PDE10A: variants seen among roughly 807,000 people sequenced by gnomAD.
The protein encoded by PDE10A is phosphodiesterase 10A.
In PDE10A, 39 loss-of-function variants were observed where a neutral mutation model predicts 97.7. The observed-to-expected ratio is 0.40, with a 90% confidence interval of 0.31 to 0.52. The LOEUF (loss-of-function observed/expected upper bound fraction) is 0.52, where lower values mean the gene tolerates loss of function less well. PDE10A is among the 20% of genes least tolerant of loss of function. The pLI is 0.56. For missense variants in PDE10A, 731 were observed against 1,047.8 expected (o/e 0.70, Z 4.17); for synonymous variants, 371 against 376.8 (o/e 0.98, Z 0.18).
chr6:165,545,342 T>C, intron 1 of PDE10A: 2 of 346,222 alleles, frequency 5.8e-6, no homozygotes, highest in South Asian at 2.6e-5. Context: ...ACTATATGAG[T>C]TATCTCCTTC....
At chr6:165,652,101 A>G (rs1789714241) in intron 1 of PDE10A, among the ~76,000 whole-genome samples, 1 of 152,188 alleles carries the variant, frequency 6.6e-6, no homozygotes, top group South Asian at 2.1e-4. Context: ...TAACCCTGAG[A>G]AGCAGAGTAT....
intron 1 of PDE10A, among the ~76,000 whole-genome samples, chr6:165,764,715 G>C (rs1007411565): frequency 2.2e-4 from 34 of 152,118 alleles, no homozygotes; most frequent in African/African-American, 8.2e-4. Flanking sequence ...AGACCTTCCC[G>C]GTGAGTGTTA....
intron 1 of PDE10A, among the ~76,000 whole-genome samples, chr6:165,724,236 C>T (rs1159960793): frequency 1.3e-5 from 2 of 152,184 alleles, no homozygotes; most frequent in Non-Finnish European, 2.9e-5. Flanking sequence ...TTGGAAAAGA[C>T]AGTAGAAGTC....
At chr6:165,901,676 C>G (rs181219280) in intron 1 of PDE10A, among the ~76,000 whole-genome samples, 3 of 152,274 alleles carry the variant, frequency 2.0e-5, no homozygotes, top group Admixed American at 2.0e-4. Flanking sequence ...GTGGCACATG[C>G]CTGTAATCCC....
chr6:165,393,902 G>A (rs1785921402), intron 15 of PDE10A, among the ~76,000 whole-genome samples: 1 of 152,062 alleles, frequency 6.6e-6, no homozygotes, highest in Non-Finnish European at 1.5e-5. Context: ...GGCCAAAGTG[G>A]GTGGGGAAAA....
chr6:165,673,802 TTCTTA>T (rs1790713577), intron 1 of PDE10A, among the ~76,000 whole-genome samples: 1 of 152,222 alleles, frequency 6.6e-6, no homozygotes, highest in Non-Finnish European at 1.5e-5. Context: ...AAATATTCCT[TTCTTA>T]TATGTTTCTA....
At chr6:165,342,274 A>G (rs757639949) in intron 19 of PDE10A, among the ~76,000 whole-genome samples, 56 of 152,198 alleles carry the variant, frequency 3.7e-4, no homozygotes, top group Non-Finnish European at 7.1e-4. Flanking sequence ...ATATCTACAT[A>G]TAAGTGGATC....
chr6:165,940,319 T>G (rs1459581600), intron 1 of PDE10A: 1 of 152,240 alleles, frequency 6.6e-6, no homozygotes, highest in Non-Finnish European at 1.5e-5. Context: ...GAGGACTGTG[T>G]TAAAACACAT....
chr6:165,876,177 G>A (rs1781340737), intron 1 of PDE10A, among the ~76,000 whole-genome samples: 1 of 152,180 alleles, frequency 6.6e-6, no homozygotes, highest in South Asian at 2.1e-4. Context: ...ACAACAGCCT[G>A]GGTTTCCTGA....
At chr6:165,368,511 T>C (rs1318543089) in intron 18 of PDE10A, among the ~76,000 whole-genome samples, 1 of 152,098 alleles carries the variant, frequency 6.6e-6, no homozygotes, top group African/African-American at 2.4e-5. Flanking sequence ...ATGCATACTG[T>C]AAACTCAGGA....
At chr6:165,910,225 G>A (rs1037148460) in intron 1 of PDE10A, among the ~76,000 whole-genome samples, 1 of 152,154 alleles carries the variant, frequency 6.6e-6, no homozygotes, top group African/African-American at 2.4e-5. Flanking sequence ...TGTTAAGCAG[G>A]ACTCAAGAGA....
At chr6:165,370,646 C>G (rs1225043816) in intron 18 of PDE10A, among the ~76,000 whole-genome samples, 1 of 148,110 alleles carries the variant, frequency 6.8e-6, no homozygotes, top group East Asian at 2.0e-4. Context: ...TTTAACACCC[C>G]ACTGTCAACA....
chr6:165,766,923 A>G (rs1267591736), intron 1 of PDE10A, among the ~76,000 whole-genome samples: 1 of 152,240 alleles, frequency 6.6e-6, no homozygotes, highest in Non-Finnish European at 1.5e-5. Flanking sequence ...TATATAACAG[A>G]AGATTTTGAC....
At chr6:165,465,133 T>C (rs2128263552) in intron 3 of PDE10A, among the ~76,000 whole-genome samples, 1 of 152,334 alleles carries the variant, frequency 6.6e-6, no homozygotes, top group South Asian at 2.1e-4. Context: ...CAAAATGATT[T>C]AGGCATTTTA....
At chr6:165,454,445 C>T (rs972133517) in intron 3 of PDE10A, among the ~76,000 whole-genome samples, 52 of 152,250 alleles carry the variant, frequency 3.4e-4, no homozygotes, top group African/African-American at 1.2e-3. Flanking sequence ...CGCAACAGTA[C>T]GGAGAGGTGG....
At chr6:165,639,253 T>A (rs1265740707) in intron 1 of PDE10A, among the ~76,000 whole-genome samples, 1 of 152,284 alleles carries the variant, frequency 6.6e-6, no homozygotes, top group East Asian at 1.9e-4. Context: ...CTAGTCAATA[T>A]TCAAACTCCA....
At chr6:165,549,841 A>C (rs1305831133) in intron 1 of PDE10A, among the ~76,000 whole-genome samples, 1 of 152,212 alleles carries the variant, frequency 6.6e-6, no homozygotes, top group Non-Finnish European at 1.5e-5. Context: ...TCGGAGGCTA[A>C]AGAATTATTG....
chr6:165,867,537 T>C (rs1282470999), intron 1 of PDE10A, among the ~76,000 whole-genome samples: 1 of 152,098 alleles, frequency 6.6e-6, no homozygotes, highest in Non-Finnish European at 1.5e-5. Flanking sequence ...GAAGCCATTA[T>C]TATTAGAGCT....
intron 2 of PDE10A, among the ~76,000 whole-genome samples, chr6:165,541,136 A>G (rs1279064242): frequency 6.6e-6 from 1 of 152,128 alleles, no homozygotes; most frequent in Non-Finnish European, 1.5e-5. Context: ...AGTGGAATGT[A>G]AGGTTCCTTT....
Sources: gnomAD v4.1 joint callset for allele counts (sites outside exome capture counted in the v4.1 genomes callset) on GRCh38, gnomAD v4.1.1 for gene constraint, MANE v1.5 for transcripts, NCBI Gene and HGNC (gene_info 2026-07-23, HGNC 2026-07-21) for gene names.